NRXN3: variants seen among roughly 807,000 people sequenced by gnomAD.
The protein encoded by NRXN3 is neurexin III.
NRXN3 carries 32 observed loss-of-function variants against 137.6 expected under a neutral mutation model. That is an observed-to-expected ratio of 0.23 (90% CI 0.18 to 0.31). The LOEUF (loss-of-function observed/expected upper bound fraction) is 0.31, where lower values mean the gene tolerates loss of function less well. Ranked by LOEUF, NRXN3 falls within the 10% of genes least tolerant of loss-of-function variation. The probability of loss-of-function intolerance (pLI) is 1.00; values close to 1 mark genes in which losing one functional copy is unlikely to be tolerated. For synonymous variants in NRXN3, 798 were observed against 784.5 expected (o/e 1.02, Z -0.29); for missense variants, 1,574 against 2,062.5 (o/e 0.76, Z 4.59).
chr14:78,297,928 C>T, intron 4 of NRXN3, 68 bp downstream of exon 4: 1 of 1,528,316 alleles, frequency 6.5e-7, no homozygotes, highest in African/African-American at 1.4e-5. Flanking sequence ...TGGCTGGTCA[C>T]AGAGCCTCAT....
chr14:78,969,885 A>G (rs1178650124), intron 14 of NRXN3, among the ~76,000 whole-genome samples: 1 of 150,480 alleles, frequency 6.6e-6, no homozygotes, highest in South Asian at 2.1e-4. Context: ...GGGAATCACT[A>G]AGCCCTTAAA....
At chr14:78,913,530 G>A (rs1290759739) in intron 10 of NRXN3, among the ~76,000 whole-genome samples, 2 of 151,610 alleles carry the variant, frequency 1.3e-5, no homozygotes, top group African/African-American at 2.4e-5. Flanking sequence ...TGCCTGCCTC[G>A]GCCTCCCAAA....
intron 4 of NRXN3, among the ~76,000 whole-genome samples, chr14:78,461,343 C>T (rs1349551566): frequency 6.6e-6 from 1 of 151,538 alleles, no homozygotes; most frequent in Non-Finnish European, 1.5e-5. Context: ...TGTTCAGAGC[C>T]ATGTTACTAA....
At chr14:78,926,934 T>TTA (rs1274111619) in intron 10 of NRXN3, among the ~76,000 whole-genome samples, 2 of 30,482 alleles carry the variant, frequency 6.6e-5, no homozygotes, top group East Asian at 3.5e-3. Context: ...TATAATATAT[T>TTA]TATATATATA....
intron 6 of NRXN3, among the ~76,000 whole-genome samples, chr14:78,675,524 C>A (rs185446494): frequency 6.6e-6 from 1 of 152,254 alleles, no homozygotes; most frequent in Admixed American, 6.5e-5. Flanking sequence ...TCCATTAGAT[C>A]CTTGATGAGT....
chr14:78,796,985 A>G (rs1344855420), intron 8 of NRXN3, among the ~76,000 whole-genome samples: 12 of 152,212 alleles, frequency 7.9e-5, no homozygotes, highest in Admixed American at 7.9e-4. Context: ...AGGCAAGATC[A>G]TAAACTTCCT....
At chr14:78,945,605 T>C (rs186413785) in intron 10 of NRXN3, among the ~76,000 whole-genome samples, 18 of 152,274 alleles carry the variant, frequency 1.2e-4, no homozygotes, top group Admixed American at 1.1e-3. Context: ...TTATGCAACA[T>C]TGGGCAATTG....
intron 16 of NRXN3, among the ~76,000 whole-genome samples, chr14:79,485,549 C>T (rs182055743): frequency 1.7e-3 from 263 of 152,226 alleles, no homozygotes; most frequent in Non-Finnish European, 3.1e-3. Context: ...TACCACTTCT[C>T]CTCACATTTT....
At chr14:79,283,190 T>G (rs959358678) in intron 15 of NRXN3, among the ~76,000 whole-genome samples, 2 of 152,334 alleles carry the variant, frequency 1.3e-5, no homozygotes, top group Admixed American at 6.5e-5. Flanking sequence ...ACTGCCAATC[T>G]TATTCCAGAG....
chr14:78,380,810 A>C (rs906079788), intron 4 of NRXN3, among the ~76,000 whole-genome samples: 4 of 147,084 alleles, frequency 2.7e-5, no homozygotes, highest in African/African-American at 1.0e-4. Flanking sequence ...TTTTTTTTAG[A>C]TATAGACAAG....
At chr14:78,918,818 G>A (rs944983354) in intron 10 of NRXN3, among the ~76,000 whole-genome samples, 7 of 152,172 alleles carry the variant, frequency 4.6e-5, no homozygotes, top group Admixed American at 2.0e-4. Context: ...GCACAGGTTT[G>A]TAGCCTAGGA....
intron 15 of NRXN3, among the ~76,000 whole-genome samples, chr14:79,404,299 G>A (rs1049154142): frequency 1.3e-5 from 2 of 152,156 alleles, no homozygotes; most frequent in African/African-American, 4.8e-5. Context: ...TAATTCAAAT[G>A]TTTCAGATTT....
chr14:79,231,648 A>G (rs1272942521), intron 15 of NRXN3, among the ~76,000 whole-genome samples: 3 of 152,176 alleles, frequency 2.0e-5, no homozygotes, highest in Admixed American at 2.0e-4. Flanking sequence ...AGAGGCATTC[A>G]ATGATTAAAT....
chr14:79,483,595 C>G (rs1262056122), intron 16 of NRXN3, among the ~76,000 whole-genome samples: 3 of 152,200 alleles, frequency 2.0e-5, no homozygotes, highest in Non-Finnish European at 4.4e-5. Context: ...CAGTGACTCT[C>G]TGCAAGAGAA....
At chr14:78,405,580 G>C (rs547866422) in intron 4 of NRXN3, among the ~76,000 whole-genome samples, 42 of 136,768 alleles carry the variant, frequency 3.1e-4, no homozygotes, top group East Asian at 2.6e-3. Context: ...CCTGGAACTT[G>C]AATTGGCTTT....
chr14:79,205,259 G>A (rs911212463), intron 15 of NRXN3, among the ~76,000 whole-genome samples: 9 of 152,080 alleles, frequency 5.9e-5, no homozygotes, highest in African/African-American at 1.9e-4. Context: ...CTGCTTTTGT[G>A]ATATTTCATT....
At chr14:79,824,095 ATACT>A (rs1325067758) in intron 20 of NRXN3, among the ~76,000 whole-genome samples, 1 of 152,232 alleles carries the variant, frequency 6.6e-6, no homozygotes, top group Non-Finnish European at 1.5e-5. Flanking sequence ...TGTTGTGTAC[ATACT>A]TAATGCCTGA....
intron 10 of NRXN3, among the ~76,000 whole-genome samples, chr14:78,844,973 A>T (rs1458046772): frequency 6.6e-6 from 1 of 152,048 alleles, no homozygotes; most frequent in Non-Finnish European, 1.5e-5. Context: ...ACATTTTGAA[A>T]CATATTACTA....
chr14:79,186,255 A>C (rs1369749683), intron 15 of NRXN3, among the ~76,000 whole-genome samples: 2 of 152,084 alleles, frequency 1.3e-5, no homozygotes, highest in Non-Finnish European at 2.9e-5. Flanking sequence ...TTACCTGAAA[A>C]AAAAAGGTGT....
Sources: allele counts gnomAD v4.1 joint callset (sites outside exome capture counted in the v4.1 genomes callset), GRCh38; gene constraint gnomAD v4.1.1; transcripts MANE v1.5; gene names NCBI Gene and HGNC (gene_info 2026-07-23, HGNC 2026-07-21).